Variants in RBFOX2 observed in about 807,000 individuals in gnomAD.
RBFOX2 encodes RNA binding fox-1 homolog 2.
A neutral mutation model predicts 49.1 loss-of-function variants in RBFOX2; 10 were observed. The observed-to-expected ratio is 0.20, with a 90% CI of 0.13 to 0.35. The LOEUF (loss-of-function observed/expected upper bound fraction) is 0.35. RBFOX2 is among the 10% of genes least tolerant of loss of function. The pLI is 1.00. For missense variants in RBFOX2, 323 were observed against 486.9 expected (o/e 0.66, Z 3.17); for synonymous variants, 183 against 187.4 (o/e 0.98, Z 0.19).
At chr22:35,813,091 T>C (rs1203548188) in intron 1 of RBFOX2, among the ~76,000 whole-genome samples, 1 of 152,226 alleles carries the variant, frequency 6.6e-6, no homozygotes, top group Non-Finnish European at 1.5e-5. Context: ...AGTGGATTAT[T>C]TTGTTACTTA....
chr22:35,759,895 A>G lies in RBFOX2; in HGVS notation c.880T>C (p.Tyr294His). 1 of 1,613,344 alleles carries G rather than the reference A, an allele frequency of 6.2e-7. No individual in the cohort carries two copies. Among genetic ancestry groups the G allele is most frequent in the Non-Finnish European group, 8.5e-7 (1 of 1,179,672 alleles). Reference sequence around the variant, plus strand: ...TTGGAATCTAACGCTTACCCTGGATAGGCGGGGATGGCTGTTGGAGGTACC... The same window carrying G: ...TTGGAATCTAACGCTTACCCTGGATGGGCGGGGATGGCTGTTGGAGGTACC... The change falls in exon 9 of 12, where the codon TAT (tyrosine) becomes CAT (histidine). Residue 294 changes from tyrosine to histidine, a missense_variant. By Grantham distance (83) the Tyr-to-His change is moderately conservative (BLOSUM62 2). Around this residue, in one of 2 missense-constraint regions of RBFOX2, gnomAD observed 200 missense variants for 370.0 expected, o/e 0.54. Coordinates refer to ENST00000405409, the Ensembl canonical transcript of RBFOX2. The surrounding 1 kb of genome is among the most constrained non-coding windows in gnomAD (Gnocchi z 4.6).
At chr22:35,812,013 C>T (rs867163874) in intron 1 of RBFOX2, among the ~76,000 whole-genome samples, 2 of 150,922 alleles carry the variant, frequency 1.3e-5, no homozygotes, top group South Asian at 2.1e-4. Flanking sequence ...GTAATCCCAG[C>T]ACCTTGTGAG....
chr22:35,945,496 A>G (rs554917647), intron 1 of RBFOX2, among the ~76,000 whole-genome samples: 7 of 152,278 alleles, frequency 4.6e-5, no homozygotes, highest in African/African-American at 1.4e-4. Context: ...ACTGGAGTGC[A>G]GTGGCATGAA....
intron 1 of RBFOX2, among the ~76,000 whole-genome samples, chr22:35,850,049 A>C (rs1348509302): frequency 6.6e-6 from 1 of 152,084 alleles, no homozygotes; most frequent in Non-Finnish European, 1.5e-5. Flanking sequence ...AATAATATAT[A>C]TGTTCCAGGC....
intron 1 of RBFOX2, among the ~76,000 whole-genome samples, chr22:36,018,745 C>G (rs1249771011): frequency 6.6e-6 from 1 of 152,210 alleles, no homozygotes; most frequent in Non-Finnish European, 1.5e-5. Flanking sequence ...TCCCAAGTAG[C>G]TGGGATTACA....
chr22:35,974,383 T>G (rs1268333560), intron 1 of RBFOX2, among the ~76,000 whole-genome samples: 1 of 152,144 alleles, frequency 6.6e-6, no homozygotes, highest in Admixed American at 6.5e-5. Context: ...TGCCACTGGG[T>G]GTAATTAAAA....
At chr22:35,970,558 G>C (rs1391536677) in intron 1 of RBFOX2, among the ~76,000 whole-genome samples, 1 of 152,010 alleles carries the variant, frequency 6.6e-6, no homozygotes, top group Non-Finnish European at 1.5e-5. Context: ...CTACTTTGGA[G>C]ACTGAGGTAG....
intron 1 of RBFOX2, among the ~76,000 whole-genome samples, chr22:36,009,547 T>G (rs1047118862): frequency 6.6e-6 from 1 of 151,660 alleles, no homozygotes; most frequent in African/African-American, 2.4e-5. Context: ...CTAAGTTTCG[T>G]TTTTTTTGTT....
At chr22:35,951,172 T>C (rs2054878182) in intron 1 of RBFOX2, among the ~76,000 whole-genome samples, 1 of 151,176 alleles carries the variant, frequency 6.6e-6, no homozygotes, top group South Asian at 2.1e-4. Context: ...GCCAGGATGG[T>C]CTCAATCTCC....
At chr22:35,776,925 C>CT (rs1944052277) in intron 4 of RBFOX2, among the ~76,000 whole-genome samples, 1 of 151,716 alleles carries the variant, frequency 6.6e-6, no homozygotes, top group Non-Finnish European at 1.5e-5. Flanking sequence ...TTGCCATTCC[C>CT]TTGTTCTTAA....
intron 2 of RBFOX2, among the ~76,000 whole-genome samples, chr22:35,799,370 T>C (rs1263038606): frequency 6.6e-6 from 1 of 152,228 alleles, no homozygotes. Flanking sequence ...CCTCTTTTGC[T>C]AATGCACAGT....
intron 1 of RBFOX2, among the ~76,000 whole-genome samples, chr22:35,877,281 G>C (rs2045253298): frequency 6.6e-6 from 1 of 151,946 alleles, no homozygotes; most frequent in South Asian, 2.1e-4. Context: ...AGGACAGGAA[G>C]GGAGAAAGGA....
intron 4 of RBFOX2, among the ~76,000 whole-genome samples, chr22:35,772,672 G>A (rs1942989618): frequency 6.6e-6 from 1 of 152,048 alleles, no homozygotes; most frequent in South Asian, 2.1e-4. Context: ...AGGTATCTTA[G>A]CTGACTTCTG....
intron 1 of RBFOX2, among the ~76,000 whole-genome samples, chr22:35,889,966 C>T (rs762262458): frequency 3.3e-5 from 5 of 152,050 alleles, no homozygotes; most frequent in Admixed American, 6.6e-5. Flanking sequence ...AGGAAACATG[C>T]TCAGAAAGAT....
intron 1 of RBFOX2, among the ~76,000 whole-genome samples, chr22:35,988,706 G>C (rs761919584): frequency 6.6e-6 from 1 of 152,178 alleles, no homozygotes; most frequent in African/African-American, 2.4e-5. Flanking sequence ...TGGGACTAAA[G>C]GACAGTGAGA....
chr22:35,907,466 T>C (rs1005803770), intron 1 of RBFOX2, among the ~76,000 whole-genome samples: 2 of 152,222 alleles, frequency 1.3e-5, no homozygotes, highest in South Asian at 2.1e-4. Context: ...TCTTAGATCC[T>C]TGGTAACCAG....
chr22:35,879,107 T>C (rs1209261743), intron 1 of RBFOX2, among the ~76,000 whole-genome samples: 10 of 152,190 alleles, frequency 6.6e-5, no homozygotes, highest in African/African-American at 2.4e-4. Flanking sequence ...AAAGGCCTTA[T>C]TGAATAGGAA....
At chr22:35,944,683 T>C (rs2054075050) in intron 1 of RBFOX2, among the ~76,000 whole-genome samples, 1 of 152,100 alleles carries the variant, frequency 6.6e-6, no homozygotes, top group Admixed American at 6.6e-5. Context: ...ATGCTGCCAA[T>C]CAAAGTATTT....
intron 1 of RBFOX2, among the ~76,000 whole-genome samples, chr22:35,916,963 G>A (rs192986731): frequency 6.6e-6 from 1 of 151,912 alleles, no homozygotes; most frequent in Admixed American, 6.6e-5. Context: ...CAAGCATTCA[G>A]TAAATAGTAC....
Sources: allele counts gnomAD v4.1 joint callset (sites outside exome capture counted in the v4.1 genomes callset), GRCh38; gene constraint gnomAD v4.1.1; regional missense constraint gnomAD v4.1.1; non-coding constraint Gnocchi (gnomAD v3.1); transcripts MANE v1.5; gene names NCBI Gene and HGNC (gene_info 2026-07-23, HGNC 2026-07-21).